RPF1: variants seen among roughly 807,000 people sequenced by gnomAD.
The protein encoded by RPF1 is ribosome production factor 1.
RPF1 carries 34 observed loss-of-function variants against 41.9 expected under a neutral mutation model. That is an observed-to-expected ratio of 0.81 (90% CI 0.62 to 1.08). RPF1 has a LOEUF of 1.08. Among genes scored for constraint, RPF1 ranks in the 50% least tolerant of loss-of-function variants. The pLI, the probability that RPF1 is intolerant of heterozygous loss-of-function variation, is 0.00. For synonymous variants in RPF1, 140 were observed against 148.9 expected (o/e 0.94, Z 0.43); for missense variants, 425 against 435.2 (o/e 0.98, Z 0.21).
Position 84,497,519 on chromosome 1 carries a change from CT to C in RPF1, c.*52del. ...TTTTGCTGAACAGGCCTATCTTGAA[CT>C]TTGGTAAATTATTTTTGACAGAATA... is the stretch of plus-strand genomic sequence containing the variant. On this transcript the variant is annotated 3_prime_UTR_variant, in exon 9 of 9. Coordinates refer to ENST00000370654, the MANE Select transcript of RPF1 (RefSeq NM_025065.7). 1 of 1,359,568 alleles carries C rather than the reference CT, an allele frequency of 7.4e-7. No homozygotes were observed. The highest frequency in any genetic ancestry group is 1.0e-6 in the Non-Finnish European group (1 of 978,822). The allele number at this position is 1,359,568 out of a possible 1,614,324, so 84.2% of individuals were successfully genotyped here.
intron 1 of RPF1, 52 bp downstream of exon 1, chr1:84,479,561 A>C: frequency 6.4e-7 from 1 of 1,559,082 alleles, no homozygotes; most frequent in Non-Finnish European, 8.8e-7. Flanking sequence ...CCTGACGCTT[A>C]GGGCGGTCGC....
intron 2 of RPF1, among the ~76,000 whole-genome samples, 181 bp from the exon 3 acceptor site, chr1:84,482,734 T>TAA (rs397963036): frequency 2.8e-5 from 4 of 144,746 alleles, no homozygotes; most frequent in African/African-American, 7.6e-5. Context: ...CCAGATTGTT[T>TAA]AAAAAAAAAA....
At chr1:84,496,175 C>A in intron 7 of RPF1, 69 bp from the exon 8 acceptor site, 3 of 1,505,814 alleles carry the variant, frequency 2.0e-6, no homozygotes, top group Non-Finnish European at 2.7e-6. Context: ...AATGAATTAT[C>A]TTTTGAACCC....
chr1:84,481,073 T>G (rs569376502), intron 2 of RPF1, 61 bp downstream of exon 2: 11 of 858,902 alleles, frequency 1.3e-5, no homozygotes, highest in South Asian at 1.2e-4. Flanking sequence ...TCCTGATATT[T>G]AAGTTGAATT....
chr1:84,480,904 T>G, intron 1 of RPF1, 52 bp from the exon 2 acceptor site: 1 of 952,094 alleles, frequency 1.1e-6, no homozygotes, highest in Non-Finnish European at 1.7e-6. Context: ...TATGTGTTTG[T>G]GATATAACTG....
chr1:84,484,998 G>A (rs11163980), intron 3 of RPF1, among the ~76,000 whole-genome samples: 70,617 of 152,098 alleles, frequency 0.46, 18,283 homozygotes, highest in African/African-American at 0.7. Context: ...TGGATTCCGG[G>A]CTTTGGAATA....
At chr1:84,487,333 A>C (rs1410664136) in intron 3 of RPF1, among the ~76,000 whole-genome samples, 1 of 152,184 alleles carries the variant, frequency 6.6e-6, no homozygotes, top group African/African-American at 2.4e-5. Flanking sequence ...TAATGATAAA[A>C]GGCTGTCTCA....
At chr1:84,494,974 C>T (rs188796785) in intron 5 of RPF1, among the ~76,000 whole-genome samples, 1 of 152,262 alleles carries the variant, frequency 6.6e-6, no homozygotes, top group African/African-American at 2.4e-5. Flanking sequence ...TGGGGTTATA[C>T]ATCTTTAGAA....
intron 5 of RPF1, among the ~76,000 whole-genome samples, chr1:84,494,517 A>G (rs1038058497): frequency 2.6e-5 from 4 of 152,248 alleles, no homozygotes; most frequent in South Asian, 2.1e-4. Context: ...AGCCCTGTCC[A>G]TTGTCATTAA....
intron 3 of RPF1, among the ~76,000 whole-genome samples, chr1:84,486,199 GA>G (rs1392561103): frequency 2.0e-5 from 3 of 152,118 alleles, no homozygotes; most frequent in African/African-American, 7.2e-5. Flanking sequence ...AAAGTATGAT[GA>G]AGAAGAAAGA....
At chr1:84,482,444 T>G (rs1681667210) in intron 2 of RPF1, among the ~76,000 whole-genome samples, 1 of 152,232 alleles carries the variant, frequency 6.6e-6, no homozygotes, top group Admixed American at 6.5e-5. Flanking sequence ...CTCCCCCATT[T>G]ACATTCCTGA....
At chr1:84,481,085 C>G in intron 2 of RPF1, 73 bp downstream of exon 2, 2 of 816,776 alleles carry the variant, frequency 2.4e-6, no homozygotes, top group South Asian at 3.3e-5. Flanking sequence ...AGTTGAATTA[C>G]TTTCTTTTAA....
intron 3 of RPF1, 106 bp downstream of exon 3, chr1:84,483,101 A>G: frequency 1.5e-6 from 1 of 646,342 alleles, no homozygotes; most frequent in Non-Finnish European, 2.8e-6. Context: ...TGCATAATGG[A>G]CTGATTCAGC....
At chr1:84,493,564 T>A (rs1201326611) in intron 5 of RPF1, among the ~76,000 whole-genome samples, 1 of 149,968 alleles carries the variant, frequency 6.7e-6, no homozygotes, top group Non-Finnish European at 1.5e-5. Context: ...CACTTCAGCC[T>A]GGGCTGCTGA....
chr1:84,490,099 T>G (rs527907259), intron 4 of RPF1, among the ~76,000 whole-genome samples: 1 of 152,304 alleles, frequency 6.6e-6, no homozygotes, highest in East Asian at 1.9e-4. Context: ...TTGCCAAATG[T>G]GTCCTCTGAT....
At chr1:84,483,289 C>CA in intron 3 of RPF1, 1 of 334,864 alleles carries the variant, frequency 3.0e-6, no homozygotes, top group Non-Finnish European at 5.6e-6. Context: ...TTTGTTGAGA[C>CA]AGAGTCTTGC....
Position 84,495,403 on chromosome 1 carries a change from GC to G in RPF1, c.650del (p.Pro217GlnfsTer7). Reference sequence around the variant, plus strand: ...CTTATTTTGAGTCACTTGCCAAATGGCCCAACTGCTCATTTTAAAATGAGCA... The same window carrying G: ...CTTATTTTGAGTCACTTGCCAAATGGCCAACTGCTCATTTTAAAATGAGCA... ...NGLILSHLPN[G>X]PTAHFKMSSV... On this transcript the variant is annotated frameshift_variant, in exon 6 of 9. Transcript: ENST00000370654. LOFTEE classifies it high-confidence loss of function. The G allele has an allele frequency of 6.5e-7, 1 of 1,533,530 alleles. No homozygotes were observed. Among genetic ancestry groups the G allele is most frequent in the Non-Finnish European group, 8.9e-7 (1 of 1,120,742 alleles). The allele number at this position is 1,533,530 out of a possible 1,614,324, so 95.0% of individuals were successfully genotyped here.
At chr1:84,483,545 G>C (rs1322888629) in intron 3 of RPF1, among the ~76,000 whole-genome samples, 2 of 152,154 alleles carry the variant, frequency 1.3e-5, no homozygotes, top group African/African-American at 4.8e-5. Flanking sequence ...GGGATTACAG[G>C]CATGAGCCAC....
intron 7 of RPF1, 74 bp downstream of exon 7, chr1:84,496,137 A>G (rs1011193116): frequency 1.4e-6 from 2 of 1,475,312 alleles, no homozygotes; most frequent in African/African-American, 1.4e-5. Context: ...ATTTTCCAAC[A>G]TATTGTAGCA....
Sources: gnomAD v4.1 joint callset for allele counts (sites outside exome capture counted in the v4.1 genomes callset) on GRCh38, gnomAD v4.1.1 for gene constraint, MANE v1.5 for transcripts, NCBI Gene and HGNC (gene_info 2026-07-23, HGNC 2026-07-21) for gene names.